Variants in VAT1L observed in about 807,000 individuals in gnomAD.
VAT1L encodes putative NADPH-dependent quinone oxidoreductase VAT1L.
Under a neutral mutation model 44.1 loss-of-function variants are expected in VAT1L, and 34 were observed. The observed-to-expected ratio is 0.77, with a 90% CI of 0.59 to 1.03. VAT1L has a LOEUF of 1.03. Among genes scored for constraint, VAT1L ranks in the 50% least tolerant of loss-of-function variants. The pLI is 0.00. For synonymous variants in VAT1L, 253 were observed against 202.2 expected, an observed-to-expected ratio of 1.25 and a Z score of -2.13; for missense variants, 615 against 538.8, an observed-to-expected ratio of 1.14 and a Z score of -1.40.
At chr16:77,825,615 G>T (rs2016510943) in intron 3 of VAT1L, among the ~76,000 whole-genome samples, 154 bp downstream of exon 3, 1 of 152,142 alleles carries the variant, frequency 6.6e-6, no homozygotes, top group South Asian at 2.1e-4. Flanking sequence ...CCATATAGAT[G>T]ATTGCATTGG....
At chr16:77,888,462 G>A (rs1198141477) in intron 7 of VAT1L, among the ~76,000 whole-genome samples, 1 of 152,206 alleles carries the variant, frequency 6.6e-6, no homozygotes, top group African/African-American at 2.4e-5. Context: ...CAATAAATAT[G>A]TGTTGATTGA....
chr16:77,859,309 A>C (rs376545636), intron 3 of VAT1L, among the ~76,000 whole-genome samples: 1 of 152,060 alleles, frequency 6.6e-6, no homozygotes. Flanking sequence ...TAACAAACAA[A>C]AGTAAGATGA....
At chr16:77,883,181 A>G (rs911792013) in intron 6 of VAT1L, among the ~76,000 whole-genome samples, 2 of 152,214 alleles carry the variant, frequency 1.3e-5, no homozygotes, top group Non-Finnish European at 2.9e-5. Context: ...AAGGCTATCA[A>G]TGTTTCTAAA....
chr16:77,892,146 T>G (rs1439673318), intron 7 of VAT1L, among the ~76,000 whole-genome samples: 1 of 152,136 alleles, frequency 6.6e-6, no homozygotes, highest in Non-Finnish European at 1.5e-5. Context: ...TGGAGTAATG[T>G]GATTGTCAGT....
chr16:77,942,858 C>T (rs1024129131), intron 7 of VAT1L, among the ~76,000 whole-genome samples: 1 of 151,834 alleles, frequency 6.6e-6, no homozygotes, highest in Non-Finnish European at 1.5e-5. Flanking sequence ...GATTATCTCA[C>T]CTCAGCCTCC....
chr16:77,973,303 G>A (rs2018300064), intron 8 of VAT1L, among the ~76,000 whole-genome samples: 1 of 151,968 alleles, frequency 6.6e-6, no homozygotes, highest in Non-Finnish European at 1.5e-5. Flanking sequence ...ATCTTTTTTT[G>A]AGATGGAGTC....
At chr16:77,882,075 G>T (rs545940395) in intron 6 of VAT1L, 1 of 152,232 alleles carries the variant, frequency 6.6e-6, no homozygotes, top group Non-Finnish European at 1.5e-5. Flanking sequence ...TGGAGGTCAA[G>T]AATGAGGATG....
chr16:77,912,237 A>C (rs943323264), intron 7 of VAT1L, among the ~76,000 whole-genome samples: 5 of 152,218 alleles, frequency 3.3e-5, no homozygotes, highest in Admixed American at 2.6e-4. Flanking sequence ...CCTTATCAGT[A>C]AAGTGGGGTT....
At chr16:77,811,049 A>G (rs1284309252) in intron 1 of VAT1L, among the ~76,000 whole-genome samples, 3 of 152,210 alleles carry the variant, frequency 2.0e-5, no homozygotes, top group Non-Finnish European at 4.4e-5. Flanking sequence ...AAAATATAGG[A>G]TGAGGCTCTA....
At chr16:77,862,923 T>C in intron 4 of VAT1L, 33 bp downstream of exon 4, 1 of 1,610,500 alleles carries the variant, frequency 6.2e-7, no homozygotes, top group Non-Finnish European at 8.5e-7. Context: ...AGCACCAGGC[T>C]GGCCCTTGCT....
intron 2 of VAT1L, among the ~76,000 whole-genome samples, chr16:77,822,088 T>G (rs1413696542): frequency 2.0e-5 from 3 of 152,124 alleles, no homozygotes; most frequent in Admixed American, 6.6e-5. Context: ...TTGTCTGAGC[T>G]CCCACCCACT....
chr16:77,920,344 A>C (rs1204109114), intron 7 of VAT1L, among the ~76,000 whole-genome samples: 1 of 152,190 alleles, frequency 6.6e-6, no homozygotes, highest in Non-Finnish European at 1.5e-5. Flanking sequence ...TAAAACTGCC[A>C]GAAGTGATAG....
At chr16:77,791,256 G>A (rs1210664397) in intron 1 of VAT1L, among the ~76,000 whole-genome samples, 1 of 152,080 alleles carries the variant, frequency 6.6e-6, no homozygotes, top group Non-Finnish European at 1.5e-5. Flanking sequence ...CCTGGATGAT[G>A]GTCTCCCTTT....
At chr16:77,839,156 C>A (rs1351330202) in intron 3 of VAT1L, among the ~76,000 whole-genome samples, 1 of 151,918 alleles carries the variant, frequency 6.6e-6, no homozygotes, top group African/African-American at 2.4e-5. Context: ...TGCTCAGGGA[C>A]TAAACTGAGG....
intron 3 of VAT1L, among the ~76,000 whole-genome samples, chr16:77,857,744 CAT>C (rs1183189942): frequency 1.5e-4 from 22 of 147,620 alleles, no homozygotes; most frequent in African/African-American, 5.2e-4. Flanking sequence ...AGTTATAAGT[CAT>C]ATATTTATCC....
At chr16:77,961,380 G>A (rs962780081) in intron 7 of VAT1L, among the ~76,000 whole-genome samples, 1 of 152,044 alleles carries the variant, frequency 6.6e-6, no homozygotes, top group Non-Finnish European at 1.5e-5. Flanking sequence ...TCCTCCCTCG[G>A]ATCTGTTCAC....
chr16:77,917,966 C>G (rs533825130), intron 7 of VAT1L, among the ~76,000 whole-genome samples: 1 of 152,272 alleles, frequency 6.6e-6, no homozygotes, highest in African/African-American at 2.4e-5. Context: ...CTTCCCTTCA[C>G]CCTAGGAAAA....
chr16:77,827,634 C>A (rs753851305), intron 3 of VAT1L, among the ~76,000 whole-genome samples: 2 of 152,124 alleles, frequency 1.3e-5, no homozygotes, highest in African/African-American at 2.4e-5. Flanking sequence ...TGAAGTTGTA[C>A]AATTTTGTCT....
At chr16:77,806,829 A>G (rs2016169203) in intron 1 of VAT1L, among the ~76,000 whole-genome samples, 2 of 152,142 alleles carry the variant, frequency 1.3e-5, no homozygotes, top group Admixed American at 1.3e-4. Context: ...CTCCATGGGA[A>G]TGCTGGTCCT....
Sources: gnomAD v4.1 joint callset for allele counts (sites outside exome capture counted in the v4.1 genomes callset) on GRCh38, gnomAD v4.1.1 for gene constraint, MANE v1.5 for transcripts, NCBI Gene and HGNC (gene_info 2026-07-23, HGNC 2026-07-21) for gene names.